The following MCRIP1 variants were observed in gnomAD, a reference collection of about 807,000 sequenced individuals.
MCRIP1 encodes the protein mapk-regulated corepressor-interacting protein 1.
In MCRIP1, 10 loss-of-function variants were observed where a neutral mutation model predicts 14.4. The observed-to-expected ratio is 0.70, with a 90% CI of 0.43 to 1.18. MCRIP1 has a LOEUF of 1.18. MCRIP1 is among the 50% of genes most tolerant of loss of function. MCRIP1 has a pLI of 0.00. For missense variants in MCRIP1, 119 were observed against 135.4 expected, an observed-to-expected ratio of 0.88 and a Z score of 0.60; for synonymous variants, 53 against 55.7, an observed-to-expected ratio of 0.95 and a Z score of 0.21.
rs890413794 is a variant in MCRIP1, at chr17:81,826,302, C to A, written c.-48-1748G>T. ...CTTAGCTGAATACATCTGCCACACA[C>A]ATGCATACAACCGCCCGCACACACC... On this transcript the variant is annotated intron_variant, in intron 1 of 4. Transcript: ENST00000455127. The A allele has an allele frequency of 2.0e-6, 3 of 1,535,534 alleles. No individual in the cohort carries two copies. In the African/African-American group the frequency reaches 4.1e-5, roughly 21 times the overall value.
In MCRIP1 at chr17:81,833,283, G is replaced by C. The variant is rs1420257394; in HGVS notation, c.-94C>G. 1 of 152,206 alleles carries C rather than the reference G, an allele frequency of 6.6e-6. No homozygotes were observed. Among genetic ancestry groups the C allele is most frequent in the African/African-American group, 2.4e-5 (1 of 41,352 alleles). The allele number at this position is 152,206 out of a possible 1,614,324, so 9.4% of individuals were successfully genotyped here. ...CCGCCTCTTCCAGCTGGGAGGCCCC[G>C]CCGGAAGTGACGCCACCGCGGGCTG... On this transcript the variant is annotated 5_prime_UTR_variant, in exon 1 of 5. Transcript: ENST00000455127.
intron 1 of MCRIP1, among the ~76,000 whole-genome samples, chr17:81,833,021 G>C (rs2038552228): frequency 6.6e-6 from 1 of 151,218 alleles, no homozygotes; most frequent in East Asian, 1.9e-4. Flanking sequence ...CTCCCCACGC[G>C]CGCTCCCAGG....
At chr17:81,832,821 G>A (rs1437674309) in intron 1 of MCRIP1, among the ~76,000 whole-genome samples, 2 of 152,260 alleles carry the variant, frequency 1.3e-5, no homozygotes, top group African/African-American at 4.8e-5. Flanking sequence ...GGACGGCCGG[G>A]CCCGCGGCGC....
chr17:81,828,503 G>C (rs370636527), intron 1 of MCRIP1, among the ~76,000 whole-genome samples: 2 of 152,030 alleles, frequency 1.3e-5, no homozygotes, highest in Non-Finnish European at 2.9e-5. Flanking sequence ...TCTGCTCCTA[G>C]GTACACACAC....
intron 1 of MCRIP1, chr17:81,825,661 G>C (rs2038375842): frequency 5.4e-6 from 7 of 1,289,404 alleles, no homozygotes; most frequent in Non-Finnish European, 7.1e-6. Context: ...GGCAAAACCA[G>C]CAAAGAGCAG....
chr17:81,826,695 C>CT (rs2038406445), intron 1 of MCRIP1: 2 of 321,064 alleles, frequency 6.2e-6, no homozygotes, highest in South Asian at 4.0e-5. Context: ...GGCAGGCACC[C>CT]GTAATCCCAG....
intron 1 of MCRIP1, chr17:81,825,649 A>C (rs2038375583): frequency 7.8e-7 from 1 of 1,289,386 alleles, no homozygotes. Context: ...CCACGGCTCA[A>C]GGGCAAAACC....
chr17:81,825,926 T>G (rs1567825291), intron 1 of MCRIP1: 1 of 1,296,700 alleles, frequency 7.7e-7, no homozygotes, highest in Non-Finnish European at 1.0e-6. Flanking sequence ...AAGCTCCCGT[T>G]ACAGAGAAAG....
chr17:81,826,740 A>C (rs1598251835), intron 1 of MCRIP1: 1 of 195,788 alleles, frequency 5.1e-6, no homozygotes, highest in Non-Finnish European at 9.9e-6. Context: ...AATCGCTTGA[A>C]CCCGGGAGGT....
intron 1 of MCRIP1, among the ~76,000 whole-genome samples, chr17:81,831,271 G>A (rs1223718320): frequency 1.3e-5 from 2 of 151,632 alleles, no homozygotes; most frequent in Admixed American, 6.6e-5. Flanking sequence ...TACCCAGGAG[G>A]CGCAGGTTGC....
chr17:81,823,056 T>G lies in MCRIP1; in HGVS notation c.*191A>C. On this transcript the variant is annotated 3_prime_UTR_variant, in exon 5 of 5. Transcript: ENST00000455127. The surrounding 1 kb of genome is among the most constrained non-coding windows in gnomAD (Gnocchi z 6.0). ...CCAGACCCCCATGATGGGGGCAGCC[T>G]GAGACCCCCAAGGATGAAGGAAGGG... 3.1e-6 allele frequency: 2 copies of G among 638,668 alleles called. No individual in the cohort carries two copies. The highest frequency in any genetic ancestry group is 5.5e-5 in the East Asian group (2 of 36,562). The allele number at this position is 638,668 out of a possible 1,614,324, so 39.6% of individuals were successfully genotyped here.
At chr17:81,830,611 T>C (rs1467312453) in intron 1 of MCRIP1, among the ~76,000 whole-genome samples, 1 of 151,740 alleles carries the variant, frequency 6.6e-6, no homozygotes, top group Non-Finnish European at 1.5e-5. Flanking sequence ...CACTCCAGCT[T>C]GGGGGACAAG....
intron 1 of MCRIP1, chr17:81,826,679 C>G: frequency 2.7e-6 from 1 of 365,346 alleles, no homozygotes; most frequent in Non-Finnish European, 5.0e-6. Flanking sequence ...ATTAGTTGGG[C>G]GTGGTGGCAG....
intron 1 of MCRIP1, chr17:81,825,061 C>T: frequency 9.8e-7 from 1 of 1,019,272 alleles, no homozygotes; most frequent in Non-Finnish European, 1.2e-6. Flanking sequence ...GGATGAGCTT[C>T]CTAAAGGTGA....
chr17:81,824,872 G>C, intron 1 of MCRIP1: 1 of 1,256,502 alleles, frequency 8.0e-7, no homozygotes, highest in Admixed American at 3.9e-5. Context: ...AGCACCGGGA[G>C]CACTGTGGCC....
At position 81,823,230 on chromosome 17, in the gene MCRIP1, G is replaced by T. The variant is rs973864106; in HGVS notation, c.*17C>A. The T allele has an allele frequency of 2.0e-6, 3 of 1,535,734 alleles. No individual in the cohort carries two copies. Among genetic ancestry groups the T allele is most frequent in the Admixed American group, 3.9e-5 (2 of 50,978 alleles). On this transcript the variant is annotated 3_prime_UTR_variant, in exon 5 of 5. Transcript: ENST00000455127. This position sits in a 1 kb window ranked among gnomAD's most constrained non-coding sequence, Gnocchi z 6.0. ...GCACCCTGATCTTCCGGAGGCCGGG[G>T]AGGGGCACCGGGCGCTCTAGGACTT...
At chr17:81,828,845 AG>A (rs2038463126) in intron 1 of MCRIP1, among the ~76,000 whole-genome samples, 1 of 152,198 alleles carries the variant, frequency 6.6e-6, no homozygotes, top group Admixed American at 6.5e-5. Flanking sequence ...CTGAACCAAG[AG>A]GTCACCATGG....
chr17:81,824,214 TG>T, intron 3 of MCRIP1, 72 bp downstream of exon 3: 1 of 1,249,038 alleles, frequency 8.0e-7, no homozygotes, highest in Non-Finnish European at 1.1e-6. Context: ...CCTCGGAGCG[TG>T]GGTCCTGGGC....
chr17:81,826,451 A>C, intron 1 of MCRIP1: 1 of 1,403,566 alleles, frequency 7.1e-7, no homozygotes, highest in South Asian at 1.3e-5. Context: ...TGAGCCCAGG[A>C]GGTCAAGGCT....
Sources: allele counts gnomAD v4.1 joint callset (sites outside exome capture counted in the v4.1 genomes callset), GRCh38; gene constraint gnomAD v4.1.1; non-coding constraint Gnocchi (gnomAD v3.1); transcripts MANE v1.5; gene names NCBI Gene and HGNC (gene_info 2026-07-23, HGNC 2026-07-21).